The following NPAS3 variants were observed in gnomAD, a reference collection of about 807,000 sequenced individuals.
The protein encoded by NPAS3 is neuronal PAS domain protein 3.
In NPAS3, 14 loss-of-function variants were observed where a neutral mutation model predicts 73.1. The ratio of observed to expected loss-of-function variants is 0.19; its 90% CI spans 0.13 to 0.30. NPAS3 has a LOEUF of 0.30. Ranked by LOEUF, NPAS3 falls within the 10% of genes least tolerant of loss-of-function variation. The pLI, the probability that NPAS3 is intolerant of heterozygous loss-of-function variation, is 1.00. For missense variants in NPAS3, 1,096 were observed against 1,250.0 expected, an observed-to-expected ratio of 0.88 and a Z score of 1.86; for synonymous variants, 620 against 541.5, an observed-to-expected ratio of 1.14 and a Z score of -2.01.
intron 4 of NPAS3, among the ~76,000 whole-genome samples, chr14:33,413,658 A>C (rs532729212): frequency 6.6e-6 from 1 of 152,266 alleles, no homozygotes; most frequent in Admixed American, 6.5e-5. Flanking sequence ...AAGGACTGGA[A>C]GCTACAAGAA....
At chr14:33,137,374 A>G (rs970849732) in intron 2 of NPAS3, among the ~76,000 whole-genome samples, 1 of 152,194 alleles carries the variant, frequency 6.6e-6, no homozygotes, top group Non-Finnish European at 1.5e-5. Context: ...AATCATTTAC[A>G]TGGCATCTTA....
intron 4 of NPAS3, among the ~76,000 whole-genome samples, chr14:33,371,301 G>C (rs1449919119): frequency 1.3e-5 from 2 of 152,158 alleles, no homozygotes; most frequent in Non-Finnish European, 2.9e-5. Flanking sequence ...GACCTAAAGA[G>C]TGATAGGAGG....
intron 6 of NPAS3, among the ~76,000 whole-genome samples, chr14:33,709,954 C>T (rs909428017): frequency 6.6e-6 from 1 of 152,162 alleles, no homozygotes; most frequent in Non-Finnish European, 1.5e-5. Flanking sequence ...GAAGGTAAAC[C>T]GAAGTGGCGA....
At chr14:33,436,493 A>C (rs546798421) in intron 4 of NPAS3, among the ~76,000 whole-genome samples, 22 of 152,296 alleles carry the variant, frequency 1.4e-4, no homozygotes, top group African/African-American at 4.6e-4. Context: ...ACTAAACCAC[A>C]AAAAGTTCCT....
At chr14:33,553,509 T>C (rs1362255711) in intron 4 of NPAS3, among the ~76,000 whole-genome samples, 1 of 152,200 alleles carries the variant, frequency 6.6e-6, no homozygotes, top group Non-Finnish European at 1.5e-5. Flanking sequence ...TCTGGATTTA[T>C]TTTTTAGCAG....
chr14:33,318,173 G>A (rs1235468337), intron 3 of NPAS3, among the ~76,000 whole-genome samples: 2 of 152,080 alleles, frequency 1.3e-5, no homozygotes, highest in Non-Finnish European at 2.9e-5. Flanking sequence ...TAAAAAGGAA[G>A]GAAATTCTGA....
intron 1 of NPAS3, among the ~76,000 whole-genome samples, chr14:33,051,166 C>T (rs10151224): frequency 0.025 from 3,744 of 149,918 alleles, 131 homozygotes; most frequent in African/African-American, 0.079. Context: ...CCCAGCTACT[C>T]GGGAGGCTGA....
At chr14:33,354,577 T>C (rs1264405760) in intron 3 of NPAS3, among the ~76,000 whole-genome samples, 2 of 152,178 alleles carry the variant, frequency 1.3e-5, no homozygotes, top group South Asian at 2.1e-4. Context: ...CAAATCCTCA[T>C]CTCTGCCAAA....
intron 6 of NPAS3, among the ~76,000 whole-genome samples, chr14:33,724,760 A>C (rs983384469): frequency 1.3e-5 from 2 of 152,164 alleles, no homozygotes; most frequent in Non-Finnish European, 2.9e-5. Context: ...AAAAAAAAAA[A>C]ACAAATCTTT....
At chr14:33,529,667 G>A (rs927720536) in intron 4 of NPAS3, among the ~76,000 whole-genome samples, 1 of 151,278 alleles carries the variant, frequency 6.6e-6, no homozygotes, top group Non-Finnish European at 1.5e-5. Flanking sequence ...AAGCATGTTG[G>A]CTGTGAAGAG....
intron 3 of NPAS3, among the ~76,000 whole-genome samples, chr14:33,321,058 T>C (rs1414438492): frequency 1.3e-5 from 2 of 152,166 alleles, no homozygotes; most frequent in Non-Finnish European, 2.9e-5. Context: ...TTAACCTTCA[T>C]GTATTTATTT....
At chr14:33,782,851 GT>G (rs2063022823) in intron 9 of NPAS3, among the ~76,000 whole-genome samples, 1 of 146,792 alleles carries the variant, frequency 6.8e-6, no homozygotes, top group African/African-American at 2.5e-5. Flanking sequence ...AGTAGCTTAA[GT>G]GTTTATTTCT....
At chr14:33,222,183 T>C (rs986653111) in intron 3 of NPAS3, among the ~76,000 whole-genome samples, 1 of 152,192 alleles carries the variant, frequency 6.6e-6, no homozygotes, top group African/African-American at 2.4e-5. Flanking sequence ...ACACTTGTCA[T>C]GTAAGGGTCT....
At chr14:33,105,732 T>A (rs1223514534) in intron 2 of NPAS3, among the ~76,000 whole-genome samples, 1 of 151,820 alleles carries the variant, frequency 6.6e-6, no homozygotes, top group Non-Finnish European at 1.5e-5. Context: ...CAGGCATACA[T>A]ATTGAACATA....
At chr14:33,616,409 C>G (rs1567057453) in intron 5 of NPAS3, among the ~76,000 whole-genome samples, 1 of 152,298 alleles carries the variant, frequency 6.6e-6, no homozygotes, top group East Asian at 1.9e-4. Context: ...CATGGGAACA[C>G]CCTGTGTCGC....
At chr14:33,121,307 A>G (rs760057442) in intron 2 of NPAS3, among the ~76,000 whole-genome samples, 1 of 152,156 alleles carries the variant, frequency 6.6e-6, no homozygotes, top group Non-Finnish European at 1.5e-5. Flanking sequence ...CGTCTTTGAG[A>G]TAAAACATCC....
chr14:33,193,333 G>A (rs1440643204), intron 2 of NPAS3, among the ~76,000 whole-genome samples: 1 of 151,984 alleles, frequency 6.6e-6, no homozygotes, highest in Admixed American at 6.6e-5. Context: ...TGCCCACTTC[G>A]GGAAATCCCA....
chr14:33,282,302 T>A (rs2041660803), intron 3 of NPAS3, among the ~76,000 whole-genome samples: 1 of 152,216 alleles, frequency 6.6e-6, no homozygotes, highest in Non-Finnish European at 1.5e-5. Context: ...TAAACTGTCT[T>A]TTAGCTGAAA....
chr14:33,050,855 T>C (rs1315276495), intron 1 of NPAS3, among the ~76,000 whole-genome samples: 2 of 152,256 alleles, frequency 1.3e-5, no homozygotes, highest in Non-Finnish European at 2.9e-5. Flanking sequence ...GCTAATGTAC[T>C]GTGTTCTAAG....
Sources: allele counts gnomAD v4.1 joint callset (sites outside exome capture counted in the v4.1 genomes callset), GRCh38; gene constraint gnomAD v4.1.1; transcripts MANE v1.5; gene names NCBI Gene and HGNC (gene_info 2026-07-23, HGNC 2026-07-21).